PRXL2A: variants seen among roughly 807,000 people sequenced by gnomAD.
PRXL2A encodes peroxiredoxin-like 2A.
A neutral mutation model predicts 25.6 loss-of-function variants in PRXL2A; 26 were observed. The ratio of observed to expected loss-of-function variants is 1.02; its 90% CI spans 0.74 to 1.41. PRXL2A has a LOEUF of 1.41. Ranked by LOEUF, PRXL2A falls within the 40% of genes most tolerant of loss-of-function variation. The pLI, the probability that PRXL2A is intolerant of heterozygous loss-of-function variation, is 0.00. For missense variants in PRXL2A, 246 were observed against 273.9 expected (o/e 0.90, Z 0.72); for synonymous variants, 98 against 102.9 (o/e 0.95, Z 0.29).
At position 80,434,280 on chromosome 10, in the gene PRXL2A, A is replaced by C. The variant is rs1845344108; in HGVS notation, c.*2181A>C. Reference sequence around the variant, plus strand: ...CTTTCTGATTAGCATGTCATTTTGGAAAGAGCACTGGATTGAGTCATGAGG... The same window carrying C: ...CTTTCTGATTAGCATGTCATTTTGGCAAGAGCACTGGATTGAGTCATGAGG... On this transcript the variant is annotated 3_prime_UTR_variant, in exon 6 of 6. Coordinates refer to ENST00000606162, the MANE Select transcript of PRXL2A (RefSeq NM_032333.5). 1 of 152,124 alleles carries C rather than the reference A, an allele frequency of 6.6e-6. No homozygotes were observed. Among genetic ancestry groups the C allele is most frequent in the Non-Finnish European group, 1.5e-5 (1 of 68,024 alleles). 9.4% of individuals were successfully genotyped at this position (152,124 alleles called of 1,614,324 possible). A position where few individuals can be genotyped will look rare whatever the true frequency, so the allele number is the denominator to read the frequency against.
chr10:80,428,068 G>A (rs1845112803), intron 5 of PRXL2A, among the ~76,000 whole-genome samples: 1 of 152,226 alleles, frequency 6.6e-6, no homozygotes, highest in Non-Finnish European at 1.5e-5. Context: ...TGGCAAGGAG[G>A]TTGCGGGGAG....
chr10:80,433,399 A>G lies in PRXL2A; in HGVS notation c.*1300A>G, dbSNP rs1203886314. The stretch of plus-strand genomic sequence containing the variant: ...CCACAGGGAGTCTACTCAAGGCATC[A>G]AACTGGCCCAGGAGTAGAAAGGTGG... On this transcript the variant is annotated 3_prime_UTR_variant, in exon 6 of 6. Transcript: ENST00000606162. The G allele has an allele frequency of 6.6e-6, 1 of 152,292 alleles. No individual in the cohort carries two copies. Among genetic ancestry groups the G allele is most frequent in the Non-Finnish European group, 1.5e-5 (1 of 68,092 alleles). 9.4% of individuals were successfully genotyped at this position (152,292 alleles called of 1,614,324 possible). A position where few individuals can be genotyped will look rare whatever the true frequency, so the allele number is the denominator to read the frequency against.
chr10:80,431,898 A>C (rs1845274819), intron 5 of PRXL2A, 88 bp from the exon 6 acceptor site: 2 of 936,320 alleles, frequency 2.1e-6, no homozygotes, highest in Admixed American at 4.2e-5. Flanking sequence ...TTCAAGCAAA[A>C]GGCTTGACAG....
At chr10:80,423,823 T>G (rs1214445483) in intron 3 of PRXL2A, among the ~76,000 whole-genome samples, 11 of 152,222 alleles carry the variant, frequency 7.2e-5, no homozygotes, top group Admixed American at 5.2e-4. Context: ...CCAGCACAGA[T>G]TTATCTTGTA....
chr10:80,410,353 A>C (rs1023008859), intron 1 of PRXL2A, among the ~76,000 whole-genome samples: 1 of 152,236 alleles, frequency 6.6e-6, no homozygotes, highest in Non-Finnish European at 1.5e-5. Context: ...TGCAGGAGGC[A>C]GTGTTAGCTG....
intron 1 of PRXL2A, among the ~76,000 whole-genome samples, 155 bp downstream of exon 1, chr10:80,408,798 A>C (rs1048894743): frequency 2.0e-5 from 3 of 152,010 alleles, no homozygotes; most frequent in Non-Finnish European, 4.4e-5. Flanking sequence ...CTTTCTTAGG[A>C]GCCGCCGCAG....
chr10:80,416,898 G>A (rs77270459), intron 1 of PRXL2A, among the ~76,000 whole-genome samples: 3,325 of 151,370 alleles, frequency 0.022, 48 homozygotes, highest in Non-Finnish European at 0.032. Flanking sequence ...TGGGTAGTAA[G>A]AAACTCTTCT....
chr10:80,421,948 G>A (rs1391795883), intron 2 of PRXL2A, among the ~76,000 whole-genome samples: 2 of 152,314 alleles, frequency 1.3e-5, no homozygotes, highest in Non-Finnish European at 2.9e-5. Flanking sequence ...CTACAGTACT[G>A]TACTACCCCA....
chr10:80,409,805 C>G (rs1844418270), intron 1 of PRXL2A, among the ~76,000 whole-genome samples: 1 of 152,194 alleles, frequency 6.6e-6, no homozygotes, highest in African/African-American at 2.4e-5. Flanking sequence ...CCTCACAAGG[C>G]ACCTCCTATA....
At chr10:80,411,828 C>T (rs1844485699) in intron 1 of PRXL2A, among the ~76,000 whole-genome samples, 1 of 152,178 alleles carries the variant, frequency 6.6e-6, no homozygotes, top group Non-Finnish European at 1.5e-5. Flanking sequence ...CCTATCTCTG[C>T]CTCAGGCCAG....
chr10:80,413,940 G>C, intron 1 of PRXL2A: 1 of 1,062,816 alleles, frequency 9.4e-7, no homozygotes, highest in Non-Finnish European at 1.2e-6. Flanking sequence ...TTTGAGGAAG[G>C]GAGTTGCCTT....
rs757397677 is a variant in PRXL2A at position 80,432,462 on chromosome 10, G to A, written c.*363G>A. ...TCGAGACCAGCCTGAGCAACATGGCGAAACCCCGTCTCTACTAAAAATACA... is the reference window on the plus strand; with the variant it reads ...TCGAGACCAGCCTGAGCAACATGGCAAAACCCCGTCTCTACTAAAAATACA... On this transcript the variant is annotated 3_prime_UTR_variant, in exon 6 of 6. Coordinates refer to ENST00000606162, the MANE Select transcript of PRXL2A (RefSeq NM_032333.5). 1.1e-4 allele frequency: 19 copies of A among 168,376 alleles called. No homozygotes were observed. The highest frequency in any genetic ancestry group is 2.1e-4 in the Non-Finnish European group (17 of 79,504). 10.4% of individuals were successfully genotyped at this position (168,376 alleles called of 1,614,324 possible).
intron 5 of PRXL2A, 93 bp from the exon 6 acceptor site, chr10:80,431,893 G>C (rs1003785305): frequency 4.3e-5 from 39 of 911,104 alleles, no homozygotes; most frequent in Non-Finnish European, 1.4e-5. Flanking sequence ...TGCTATTCAA[G>C]CAAAAGGCTT....
chr10:80,421,917 C>A (rs185625904), intron 2 of PRXL2A, among the ~76,000 whole-genome samples: 4 of 152,284 alleles, frequency 2.6e-5, no homozygotes, highest in African/African-American at 9.6e-5. Flanking sequence ...TCAGTTGGAC[C>A]TTAGAGCTGG....
At chr10:80,422,619 G>A (rs1263834223) in intron 3 of PRXL2A, 111 bp downstream of exon 3, 10 of 685,608 alleles carry the variant, frequency 1.5e-5, no homozygotes, top group African/African-American at 9.2e-5. Context: ...TTACCCACAT[G>A]TTCTGTTCTG....
At chr10:80,420,953 T>C (rs1327451106) in intron 2 of PRXL2A, among the ~76,000 whole-genome samples, 2 of 152,228 alleles carry the variant, frequency 1.3e-5, no homozygotes, top group Admixed American at 6.5e-5. Flanking sequence ...ATTATAATGA[T>C]AAATTGCTCC....
intron 1 of PRXL2A, among the ~76,000 whole-genome samples, chr10:80,419,662 G>A (rs1233976604): frequency 1.3e-5 from 2 of 152,148 alleles, no homozygotes; most frequent in Non-Finnish European, 2.9e-5. Flanking sequence ...CATCTGTGTA[G>A]TTCTGTTCAC....
At position 80,422,565 on chromosome 10, in the gene PRXL2A, G is replaced by A. The variant is rs1564692180; in HGVS notation, c.270+57G>A. ...GGGATCCTGGCAAGTAGGGGCCATTGTTTTCCGGCCAGAACCAAGGGTCGG... is the reference window on the plus strand; with the variant it reads ...GGGATCCTGGCAAGTAGGGGCCATTATTTTCCGGCCAGAACCAAGGGTCGG... On this transcript the variant is annotated intron_variant, in intron 3 of 5. Coordinates refer to ENST00000606162, the MANE Select transcript of PRXL2A (RefSeq NM_032333.5). The A allele has an allele frequency of 7.7e-6, 11 of 1,435,284 alleles. No individual in the cohort carries two copies. The East Asian group carries it at 2.5e-4, about 33-fold the overall frequency. The allele number at this position is 1,435,284 out of a possible 1,614,324, so 88.9% of individuals were successfully genotyped here.
chr10:80,409,641 A>G (rs1844413577), intron 1 of PRXL2A, among the ~76,000 whole-genome samples: 1 of 152,228 alleles, frequency 6.6e-6, no homozygotes, highest in Admixed American at 6.5e-5. Flanking sequence ...GCTTTGGAGA[A>G]TGAGGATTGG....
Sources: gnomAD v4.1 joint callset for allele counts (sites outside exome capture counted in the v4.1 genomes callset) on GRCh38, gnomAD v4.1.1 for gene constraint, MANE v1.5 for transcripts, NCBI Gene and HGNC (gene_info 2026-07-23, HGNC 2026-07-21) for gene names.